The following ALDH7A1 variants were observed in gnomAD, a reference collection of about 807,000 sequenced individuals.
The protein encoded by ALDH7A1 is alpha-aminoadipic semialdehyde dehydrogenase.
ALDH7A1 carries 63 observed loss-of-function variants against 79.9 expected under a neutral mutation model. The ratio of observed to expected loss-of-function variants is 0.79; its 90% confidence interval spans 0.64 to 0.97. The LOEUF is 0.97. ALDH7A1 is among the 50% of genes least tolerant of loss of function. The pLI is 0.00. For missense variants in ALDH7A1, 627 were observed against 665.2 expected (o/e 0.94, Z 0.63); for synonymous variants, 240 against 231.2 (o/e 1.04, Z -0.34).
At chr5:126,552,220 A>C in intron 13 of ALDH7A1, 83 bp from the exon 14 acceptor site, 1 of 981,558 alleles carries the variant, frequency 1.0e-6, no homozygotes, top group Non-Finnish European at 1.6e-6. Context: ...CTTTGCCTAC[A>C]TTTATAAAGA....
chr5:126,577,252 AT>A, intron 5 of ALDH7A1, 41 bp from the exon 6 acceptor site: 6 of 1,611,744 alleles, frequency 3.7e-6, no homozygotes, highest in Non-Finnish European at 5.1e-6. Flanking sequence ...AAGCATGTTA[AT>A]TTAATGCCCA....
rs1236437413 is a variant in ALDH7A1, at chr5:126,543,307, T to C, written c.*1658A>G. Reference sequence around the variant, plus strand: ...TGCTAGAAACATGTAGAAGAAAAATTATAAATTTGTTTCAAAGAAAGCTTT... The same window carrying C: ...TGCTAGAAACATGTAGAAGAAAAATCATAAATTTGTTTCAAAGAAAGCTTT... On this transcript the variant is annotated 3_prime_UTR_variant, in exon 18 of 18. Coordinates refer to ENST00000409134, the MANE Select transcript of ALDH7A1 (RefSeq NM_001182.5). 3 of 152,118 alleles carry C rather than the reference T, an allele frequency of 2.0e-5. No homozygotes were observed. The highest frequency in any genetic ancestry group is 2.1e-4 in the South Asian group (1 of 4,828). The allele number at this position is 152,118 out of a possible 1,614,324, so 9.4% of individuals were successfully genotyped here.
At position 126,573,696 on chromosome 5, in the gene ALDH7A1, CA is replaced by C. The variant is rs1313411292; in HGVS notation, c.695+1723del. Among the ~76,000 whole-genome samples, 1,044 of 105,740 alleles carry C rather than the reference CA, an allele frequency of 9.9e-3. 13 individuals are homozygous for C. The highest frequency in any genetic ancestry group is 0.028 in the African/African-American group (787 of 28,454). The allele number at this position is 105,740 out of a possible 152,430, so 69.4% of individuals were successfully genotyped here. On this transcript the variant is annotated intron_variant, in intron 7 of 17. Coordinates refer to ENST00000409134, the MANE Select transcript of ALDH7A1 (RefSeq NM_001182.5). ...CTGGTGACAGAGCAAGACTCAGTCT[CA>C]AAAAAAAAAAAAAGAAAAAATTAGC...
At chr5:126,576,388 G>A (rs906707833) in intron 6 of ALDH7A1, among the ~76,000 whole-genome samples, 1 of 151,742 alleles carries the variant, frequency 6.6e-6, no homozygotes, top group Non-Finnish European at 1.5e-5. Flanking sequence ...ACATTCAACT[G>A]AGTACCACAC....
intron 3 of ALDH7A1, chr5:126,592,194 T>G (rs1374955367): frequency 2.3e-5 from 4 of 171,418 alleles, no homozygotes; most frequent in African/African-American, 7.2e-5. Context: ...CCTCCTGAAG[T>G]GGTGGGATCA....
intron 17 of ALDH7A1, 141 bp downstream of exon 17, chr5:126,546,183 A>T: frequency 1.3e-6 from 1 of 792,428 alleles, no homozygotes; most frequent in East Asian, 2.6e-5. Context: ...CCAAATAGAT[A>T]CTTAGAGGAG....
chr5:126,578,692 T>C (rs577091889), intron 5 of ALDH7A1, among the ~76,000 whole-genome samples: 42 of 151,462 alleles, frequency 2.8e-4, no homozygotes, highest in African/African-American at 9.7e-4. Context: ...AAAAATATTG[T>C]ATTTTAAATA....
At chr5:126,548,895 A>G (rs1330319857) in intron 16 of ALDH7A1, among the ~76,000 whole-genome samples, 1 of 9,524 alleles carries the variant, frequency 1.0e-4, no homozygotes, top group Non-Finnish European at 2.0e-4. Context: ...GCCTGTTTCT[A>G]AAAAAAAAAA....
chr5:126,580,950 G>A (rs1043485097), intron 5 of ALDH7A1, among the ~76,000 whole-genome samples: 5 of 151,676 alleles, frequency 3.3e-5, no homozygotes, highest in Non-Finnish European at 7.4e-5. Flanking sequence ...TCAGCCTCCC[G>A]AGTAGCTGGG....
intron 17 of ALDH7A1, 95 bp downstream of exon 17, chr5:126,546,229 A>G: frequency 9.0e-7 from 1 of 1,106,170 alleles, no homozygotes; most frequent in Non-Finnish European, 1.4e-6. Flanking sequence ...AAATCAAATG[A>G]CACTGCACAA....
chr5:126,579,068 G>A (rs1751081877), intron 5 of ALDH7A1, among the ~76,000 whole-genome samples: 1 of 152,112 alleles, frequency 6.6e-6, no homozygotes, highest in Admixed American at 6.5e-5. Context: ...TCACCCCCTT[G>A]CTTATAACCC....
intron 14 of ALDH7A1, 62 bp downstream of exon 14, chr5:126,551,956 TCCA>T (rs1750013357): frequency 3.2e-6 from 4 of 1,261,076 alleles, no homozygotes; most frequent in Non-Finnish European, 4.6e-6. Context: ...TGAAATTTAA[TCCA>T]CCATCATTTT....
At chr5:126,572,714 G>T (rs1221570100) in intron 7 of ALDH7A1, among the ~76,000 whole-genome samples, 1 of 152,172 alleles carries the variant, frequency 6.6e-6, no homozygotes, top group Non-Finnish European at 1.5e-5. Flanking sequence ...TGTTACAAGA[G>T]ATTTTGGTTT....
At chr5:126,571,155 T>C in intron 7 of ALDH7A1, 1 of 182,404 alleles carries the variant, frequency 5.5e-6, no homozygotes, top group Non-Finnish European at 9.3e-6. Context: ...AGCAGATTTT[T>C]TTTTTTTTTT....
At chr5:126,581,946 C>G in intron 5 of ALDH7A1, 1 of 358,874 alleles carries the variant, frequency 2.8e-6, no homozygotes, top group Non-Finnish European at 5.0e-6. Flanking sequence ...CCACTGCACT[C>G]CAGCCTGGGC....
At chr5:126,590,183 C>T (rs371999925) in intron 3 of ALDH7A1, among the ~76,000 whole-genome samples, 41 of 151,860 alleles carry the variant, frequency 2.7e-4, no homozygotes, top group African/African-American at 9.9e-4. Context: ...TGAAGAGCGC[C>T]TCTGCCCGGC....
intron 9 of ALDH7A1, among the ~76,000 whole-genome samples, chr5:126,565,568 A>C: frequency 6.6e-6 from 1 of 152,082 alleles, no homozygotes; most frequent in Non-Finnish European, 1.5e-5. Flanking sequence ...TGTTCTTTTC[A>C]CTTTTTCCTG....
intron 3 of ALDH7A1, chr5:126,587,628 T>C (rs1183816500): frequency 6.7e-6 from 1 of 150,366 alleles, no homozygotes; most frequent in Non-Finnish European, 1.5e-5. Context: ...CAAAACTCTG[T>C]CTCAAAAAAA....
Position 126,551,993 on chromosome 5 carries a change from C to T in ALDH7A1, c.1317+28G>A, listed in dbSNP as rs2306617. Reference sequence around the variant, plus strand: ...TTCCTCTTATCATTTATTTCAACATCAGGCTAGCGAACAGAATGCATTTTT... The same window carrying T: ...TTCCTCTTATCATTTATTTCAACATTAGGCTAGCGAACAGAATGCATTTTT... On this transcript the variant is annotated intron_variant, in intron 14 of 17. Coordinates refer to ENST00000409134, the MANE Select transcript of ALDH7A1 (RefSeq NM_001182.5). 0.72 allele frequency: 1,070,515 copies of T among 1,488,570 alleles called. 387,182 individuals are homozygous for T. Among genetic ancestry groups the T allele is most frequent in the Admixed American group, 0.81 (48,315 of 59,816 alleles). 92.2% of individuals were successfully genotyped at this position (1,488,570 alleles called of 1,614,324 possible). A position where few individuals can be genotyped will look rare whatever the true frequency, so the allele number is the denominator to read the frequency against.
Sources: allele counts gnomAD v4.1 joint callset (sites outside exome capture counted in the v4.1 genomes callset), GRCh38; gene constraint gnomAD v4.1.1; transcripts MANE v1.5; gene names NCBI Gene and HGNC (gene_info 2026-07-23, HGNC 2026-07-21).